CACNA1A: variants seen among roughly 807,000 people sequenced by gnomAD.
CACNA1A encodes calcium voltage-gated channel subunit alpha1 A.
A neutral mutation model predicts 262.4 loss-of-function variants in CACNA1A; 57 were observed. The observed-to-expected ratio is 0.22, with a 90% CI of 0.18 to 0.27. The LOEUF (loss-of-function observed/expected upper bound fraction) is 0.27. Ranked by LOEUF, CACNA1A falls within the 10% of genes least tolerant of loss-of-function variation. The pLI is 1.00. For synonymous variants in CACNA1A, 1,431 were observed against 1,419.3 expected, an observed-to-expected ratio of 1.01 and a Z score of -0.18; for missense variants, 2,526 against 3,562.8, an observed-to-expected ratio of 0.71 and a Z score of 7.41.
At chr19:13,312,825 G>T in intron 11 of CACNA1A, 44 bp from the exon 12 acceptor site, 1 of 995,968 alleles carries the variant, frequency 1.0e-6, no homozygotes, top group Non-Finnish European at 1.5e-6. Context: ...TAGGCTTGCT[G>T]AGGGTAGGGG....
At chr19:13,460,436 T>C (rs1335611833) in intron 1 of CACNA1A, among the ~76,000 whole-genome samples, 5 of 152,148 alleles carry the variant, frequency 3.3e-5, no homozygotes, top group Non-Finnish European at 1.5e-5. Flanking sequence ...CTGCTCCCAC[T>C]TGGGTAAAGA....
chr19:13,373,847 T>C (rs904570918), intron 3 of CACNA1A, among the ~76,000 whole-genome samples: 6 of 152,188 alleles, frequency 3.9e-5, no homozygotes, highest in Non-Finnish European at 7.4e-5. Context: ...TAGAGTGACA[T>C]ATGAGACTAT....
At chr19:13,255,306 G>A in intron 28 of CACNA1A, 47 bp from the exon 29 acceptor site, 4 of 1,521,952 alleles carry the variant, frequency 2.6e-6, no homozygotes, top group Non-Finnish European at 3.6e-6. Context: ...CAGGAGGAAG[G>A]TGGCTGTACA....
intron 3 of CACNA1A, among the ~76,000 whole-genome samples, chr19:13,384,941 G>C (rs1409475205): frequency 6.6e-6 from 1 of 152,128 alleles, no homozygotes; most frequent in Non-Finnish European, 1.5e-5. Context: ...CAGGGTGGGA[G>C]AGAACTGAAT....
intron 3 of CACNA1A, among the ~76,000 whole-genome samples, chr19:13,385,085 G>A (rs1352896900): frequency 1.3e-5 from 2 of 152,080 alleles, no homozygotes; most frequent in Non-Finnish European, 2.9e-5. Context: ...TGAAAAATTC[G>A]CTTGTACCAG....
chr19:13,326,719 T>C (rs1224863820), intron 10 of CACNA1A, among the ~76,000 whole-genome samples: 2 of 150,208 alleles, frequency 1.3e-5, no homozygotes, highest in East Asian at 2.0e-4. Flanking sequence ...AGTCCAGGGG[T>C]TTGAGGCTGC....
chr19:13,250,379 A>G (rs552783755), intron 30 of CACNA1A, among the ~76,000 whole-genome samples: 19 of 149,616 alleles, frequency 1.3e-4, no homozygotes, highest in Non-Finnish European at 2.5e-4. Flanking sequence ...TTAAAAAATA[A>G]TTTTAATTTA....
At chr19:13,335,337 T>C (rs1007063816) in intron 7 of CACNA1A, among the ~76,000 whole-genome samples, 1 of 152,154 alleles carries the variant, frequency 6.6e-6, no homozygotes, top group African/African-American at 2.4e-5. Flanking sequence ...TGGAAGCCTC[T>C]GGTAAAGATG....
chr19:13,446,610 CTTTTT>C (rs528828997), intron 3 of CACNA1A, among the ~76,000 whole-genome samples: 2 of 120,020 alleles, frequency 1.7e-5, no homozygotes, highest in African/African-American at 6.2e-5. Flanking sequence ...CCATGCCAGG[CTTTTT>C]TTTTTTTTTT....
intron 1 of CACNA1A, among the ~76,000 whole-genome samples, chr19:13,504,488 G>C (rs1170089993): frequency 2.0e-5 from 3 of 152,008 alleles, no homozygotes; most frequent in Non-Finnish European, 4.4e-5. Flanking sequence ...CGCCAGGCTC[G>C]ATTTTGAACC....
chr19:13,333,929 C>T, intron 8 of CACNA1A: 1 of 163,376 alleles, frequency 6.1e-6, no homozygotes, highest in South Asian at 1.7e-4. Flanking sequence ...ACAGCAGGTG[C>T]TCCCTAAATG....
Position 13,262,731 on chromosome 19 carries a change from C to A in CACNA1A, c.4089+3G>T, listed in dbSNP as rs781595676. Reference sequence around the variant, plus strand: ...ACCGCACCCCACCATCTCCCAATCTCACCTTGAGCTTTGGCAGCCGCTTGA... The same window carrying A: ...ACCGCACCCCACCATCTCCCAATCTAACCTTGAGCTTTGGCAGCCGCTTGA... On this transcript the variant is annotated splice_donor_region_variant and intron_variant, in intron 25 of 46. Coordinates refer to ENST00000360228, the MANE Select transcript of CACNA1A (RefSeq NM_001127222.2). The A allele has an allele frequency of 3.8e-6, 6 of 1,598,382 alleles. No individual in the cohort carries two copies. The South Asian group carries it at 5.5e-5, about 15-fold the overall frequency.
At chr19:13,227,955 C>T (rs1392494786) in intron 36 of CACNA1A, among the ~76,000 whole-genome samples, 3 of 138,932 alleles carry the variant, frequency 2.2e-5, no homozygotes, top group African/African-American at 8.2e-5. Flanking sequence ...TCTCTGTCGC[C>T]TGGGTTGGAG....
chr19:13,242,483 A>C (rs976787100), intron 31 of CACNA1A, among the ~76,000 whole-genome samples: 4 of 152,240 alleles, frequency 2.6e-5, no homozygotes, highest in Non-Finnish European at 5.9e-5. Flanking sequence ...TTTAGTAGGG[A>C]CAGAGTTTCA....
At chr19:13,432,103 CAAAAAA>C (rs71170513) in intron 3 of CACNA1A, among the ~76,000 whole-genome samples, 1 of 64,412 alleles carries the variant, frequency 1.6e-5, no homozygotes, top group Non-Finnish European at 2.9e-5. Flanking sequence ...GACTCCGTCT[CAAAAAA>C]AAAAAAAAAA....
chr19:13,234,675 C>T (rs995455460), intron 34 of CACNA1A: 4 of 506,628 alleles, frequency 7.9e-6, no homozygotes, highest in African/African-American at 5.8e-5. Context: ...TGGCCACCCC[C>T]ACACCAGAAA....
intron 5 of CACNA1A, among the ~76,000 whole-genome samples, chr19:13,360,333 A>C (rs965538339): frequency 4.0e-5 from 6 of 149,266 alleles, no homozygotes; most frequent in East Asian, 4.1e-4. Context: ...GGGGAGAGAG[A>C]GAGCGAGAGA....
intron 21 of CACNA1A, chr19:13,283,991 T>G (rs1313704221): frequency 6.6e-6 from 1 of 152,494 alleles, no homozygotes; most frequent in African/African-American, 2.4e-5. Flanking sequence ...TATCAGAGCC[T>G]TGAATGTGCC....
At position 13,212,490 on chromosome 19, in the gene CACNA1A, G is replaced by A. The variant is rs370345937; in HGVS notation, c.6083C>T (p.Pro2028Leu). Residue 2028 changes from proline to leucine, a missense_variant, in exon 42 of 47, where the codon CCG (proline) becomes CTG (leucine). Pro to Leu is a moderately conservative substitution (Grantham distance 98, BLOSUM62 -3). Coordinates refer to ENST00000360228, the MANE Select transcript of CACNA1A (RefSeq NM_001127222.2). This position sits in a 1 kb window ranked among gnomAD's most constrained non-coding sequence, Gnocchi z 5.6. ...MAHESGLKES[P>L]SWVTQRAQEM... The stretch of plus-strand genomic sequence containing the variant: ...CTGGGCACGCTGGGTCACCCAGGAC[G>A]GGCTCTCCTTGAGGCCGCTTTCGTG... 23 of 1,589,474 alleles carry A rather than the reference G, an allele frequency of 1.4e-5. No individual in the cohort carries two copies. The highest frequency in any genetic ancestry group is 2.3e-5 in the East Asian group (1 of 43,696).
Sources: gnomAD v4.1 joint callset for allele counts (sites outside exome capture counted in the v4.1 genomes callset) on GRCh38, gnomAD v4.1.1 for gene constraint, Gnocchi (gnomAD v3.1) non-coding constraint, MANE v1.5 for transcripts, NCBI Gene and HGNC (gene_info 2026-07-23, HGNC 2026-07-21) for gene names.